The following SLAIN1 variants were observed in gnomAD, a reference collection of about 807,000 sequenced individuals.
SLAIN1 encodes SLAIN motif-containing protein 1.
SLAIN1 carries 17 observed loss-of-function variants against 55.4 expected under a neutral mutation model. The ratio of observed to expected loss-of-function variants is 0.31; its 90% CI spans 0.21 to 0.46. The LOEUF is 0.46. SLAIN1 is among the 20% of genes least tolerant of loss of function. The pLI, the probability that SLAIN1 is intolerant of heterozygous loss-of-function variation, is 1.00. For missense variants in SLAIN1, 682 were observed against 785.1 expected (o/e 0.87, Z 1.57); for synonymous variants, 348 against 337.4 (o/e 1.03, Z -0.35).
chr13:77,759,648 A>G (rs1874861613), intron 5 of SLAIN1, among the ~76,000 whole-genome samples: 1 of 152,130 alleles, frequency 6.6e-6, no homozygotes, highest in African/African-American at 2.4e-5. Flanking sequence ...TTTTTATCAT[A>G]AAGGGATGCT....
intron 1 of SLAIN1, among the ~76,000 whole-genome samples, chr13:77,712,246 T>G (rs1484955836): frequency 6.6e-6 from 1 of 151,992 alleles, no homozygotes; most frequent in Non-Finnish European, 1.5e-5. Context: ...AAGAAAGAAA[T>G]GGTATTCAAA....
At chr13:77,699,163 T>C (rs2091005804) in intron 1 of SLAIN1, 1 of 1,081,072 alleles carries the variant, frequency 9.3e-7, no homozygotes, top group Admixed American at 2.2e-5. Flanking sequence ...TGGGGTGACC[T>C]CACTGGCTTT....
Position 77,719,612 on chromosome 13 carries a change from A to G in SLAIN1, c.707A>G (p.Asp236Gly). The G allele has an allele frequency of 6.2e-7, 1 of 1,613,592 alleles. No homozygotes were observed. Among genetic ancestry groups the G allele is most frequent in the Non-Finnish European group, 8.5e-7 (1 of 1,179,652 alleles). Residue 236 changes from aspartate to glycine, a missense_variant, in exon 2 of 7, where the codon GAT becomes GGT. Asp to Gly is a moderately conservative substitution (Grantham distance 94). Transcript: ENST00000418532. ...TPLQWCRHVL[D>G]NPTPEMEAAR... ...TTGCAGTGGTGTAGACATGTCCTAG[A>G]TAACCCAACTCCTGAGATGGAAGCA...
chr13:77,719,603 A>G lies in SLAIN1; in HGVS notation c.698A>G (p.His233Arg), dbSNP rs1200478920. ...CTGACTCCTTTGCAGTGGTGTAGAC[A>G]TGTCCTAGATAACCCAACTCCTGAG... Reference protein sequence around the residue: ...KSLTPLQWCRHVLDNPTPEME... With the variant: ...KSLTPLQWCRRVLDNPTPEME... Residue 233 changes from histidine to arginine, a missense_variant, in exon 2 of 7, where the codon CAT becomes CGT. Physicochemically the swap from His to Arg is conservative, Grantham distance 29. This residue lies in a region of SLAIN1 where 401 missense variants were observed against 417.3 expected (regional missense o/e 0.96). Coordinates refer to ENST00000418532, the MANE Select transcript of SLAIN1 (RefSeq NM_001242868.2). The G allele has an allele frequency of 6.2e-6, 10 of 1,613,460 alleles. No individual in the cohort carries two copies. The East Asian group carries it at 1.6e-4, about 25-fold the overall frequency.
chr13:77,722,575 C>T (rs1038785414), intron 2 of SLAIN1, among the ~76,000 whole-genome samples: 1 of 152,012 alleles, frequency 6.6e-6, no homozygotes. Flanking sequence ...AAACATTATC[C>T]ATTGGCTTTT....
chr13:77,711,022 T>C (rs1297775646), intron 1 of SLAIN1, among the ~76,000 whole-genome samples: 1 of 152,108 alleles, frequency 6.6e-6, no homozygotes, highest in African/African-American at 2.4e-5. Context: ...AATAAGTTCT[T>C]TAAAACCAAT....
At chr13:77,702,371 A>G (rs565347830) in intron 1 of SLAIN1, among the ~76,000 whole-genome samples, 276 of 152,268 alleles carry the variant, frequency 1.8e-3, no homozygotes, top group Middle Eastern at 3.4e-3. Context: ...TAAAAAGCTC[A>G]AAGGGACTAA....
chr13:77,734,218 G>A (rs1358297991), intron 2 of SLAIN1, among the ~76,000 whole-genome samples: 2 of 151,968 alleles, frequency 1.3e-5, no homozygotes, highest in South Asian at 2.1e-4. Flanking sequence ...TCAGAATGCT[G>A]TGTTCTCGGT....
chr13:77,732,647 C>A (rs890055060), intron 2 of SLAIN1, among the ~76,000 whole-genome samples: 6 of 151,914 alleles, frequency 3.9e-5, no homozygotes, highest in East Asian at 1.9e-4. Flanking sequence ...TTTAAACATG[C>A]CTTTGAAGTG....
Position 77,698,137 on chromosome 13 carries a change from T to C in SLAIN1, c.224T>C (p.Leu75Pro). Residue 75 changes from leucine to proline, a missense_variant, in exon 1 of 7, where the codon CTG becomes CCG. By Grantham distance (98) the Leu-to-Pro change is moderately conservative. Coordinates refer to ENST00000418532, the MANE Select transcript of SLAIN1 (RefSeq NM_001242868.2). The surrounding 1 kb of genome is among the most constrained non-coding windows in gnomAD (Gnocchi z 4.1). ...PPPAAPPPAG[L>P]QPLGPRSPPA... The stretch of plus-strand genomic sequence containing the variant: ...CCCGCCGCGCCGCCCCCCGCTGGCC[T>C]GCAGCCTTTGGGTCCTCGGAGCCCC... The C allele has an allele frequency of 2.0e-6, 2 of 996,208 alleles. 1 individual carries two copies. Among genetic ancestry groups the C allele is most frequent in the Non-Finnish European group, 2.3e-6 (2 of 866,840 alleles). The allele number at this position is 996,208 out of a possible 1,614,324, so 61.7% of individuals were successfully genotyped here.
chr13:77,763,313 C>T lies in SLAIN1; in HGVS notation c.*93C>T. ...GGGTAGCAGTGGATGTTGGGATATT[C>T]TTTCCCTTTTGTGTTTTAATATATT... On this transcript the variant is annotated 3_prime_UTR_variant, in exon 7 of 7. Transcript: ENST00000418532. 1.0e-6 allele frequency: 1 copy of T among 955,078 alleles called. No individual in the cohort carries two copies. The highest frequency in any genetic ancestry group is 1.7e-6 in the Non-Finnish European group (1 of 605,530). 59.2% of individuals were successfully genotyped at this position (955,078 alleles called of 1,614,324 possible). A position where few individuals can be genotyped will look rare whatever the true frequency, so the allele number is the denominator to read the frequency against.
At chr13:77,729,821 G>C (rs975889804) in intron 2 of SLAIN1, among the ~76,000 whole-genome samples, 3 of 152,058 alleles carry the variant, frequency 2.0e-5, no homozygotes, top group African/African-American at 7.2e-5. Flanking sequence ...CTGACCCAGG[G>C]GTATGATCAG....
At chr13:77,754,191 G>A (rs1246627760) in intron 5 of SLAIN1, among the ~76,000 whole-genome samples, 1 of 152,172 alleles carries the variant, frequency 6.6e-6, no homozygotes, top group Non-Finnish European at 1.5e-5. Context: ...GATGTTTTAA[G>A]TCTGCATCCA....
At chr13:77,751,782 A>T (rs537952342) in intron 4 of SLAIN1, among the ~76,000 whole-genome samples, 20 of 152,224 alleles carry the variant, frequency 1.3e-4, no homozygotes, top group Non-Finnish European at 2.5e-4. Flanking sequence ...GATTTCAGCA[A>T]GTGGGTGACG....
chr13:77,760,027 A>G (rs543714408), intron 5 of SLAIN1, among the ~76,000 whole-genome samples: 3 of 152,178 alleles, frequency 2.0e-5, no homozygotes, highest in Non-Finnish European at 4.4e-5. Flanking sequence ...AGTAAATTCA[A>G]CTGTTTTAGA....
In SLAIN1 at chr13:77,704,327, G is replaced by T. The variant is rs28532918; in HGVS notation, c.626+5788G>T. Among the ~76,000 whole-genome samples, 78 of 50,828 alleles carry T rather than the reference G, an allele frequency of 1.5e-3. 5 individuals carry two copies. Among genetic ancestry groups the T allele is most frequent in the Non-Finnish European group, 1.9e-3 (57 of 29,516 alleles). The allele number at this position is 50,828 out of a possible 152,430, so 33.3% of individuals were successfully genotyped here. On this transcript the variant is annotated intron_variant, in intron 1 of 6. Coordinates refer to ENST00000418532, the MANE Select transcript of SLAIN1 (RefSeq NM_001242868.2). The stretch of plus-strand genomic sequence containing the variant: ...TATATACATAGAAACTGTATATACA[G>T]AGGTTTTATATGTATATATACATAG...
rs1462329598 is a variant in SLAIN1, at chr13:77,698,046, C to T, written c.133C>T (p.Gln45Ter). The T allele has an allele frequency of 2.1e-6, 3 of 1,405,012 alleles. No individual in the cohort carries two copies. Among genetic ancestry groups the T allele is most frequent in the Non-Finnish European group, 1.9e-6 (2 of 1,065,070 alleles). The allele number at this position is 1,405,012 out of a possible 1,614,324, so 87.0% of individuals were successfully genotyped here. ...GCGCAAGCTGGAGAAGCAGAACGAG[C>T]AGCTGCGGAGTCGAGCGGCCAGCGC... ...LVRKLEKQNE[Q>*]LRSRAASAAA... Residue 45 changes from glutamine (Q) to a stop codon, truncating the protein, a stop_gained, in exon 1 of 7, where the codon CAG becomes TAG. Coordinates refer to ENST00000418532, the MANE Select transcript of SLAIN1 (RefSeq NM_001242868.2). LOFTEE classifies it high-confidence loss of function. The surrounding 1 kb of genome is among the most constrained non-coding windows in gnomAD (Gnocchi z 4.1).
At chr13:77,742,723 C>T (rs1369172174) in intron 2 of SLAIN1, 3 of 152,436 alleles carry the variant, frequency 2.0e-5, no homozygotes, top group Admixed American at 6.6e-5. Flanking sequence ...AAATTGAAAA[C>T]ATTTCTAACG....
intron 2 of SLAIN1, 40 bp downstream of exon 2, chr13:77,719,711 TC>T: frequency 6.2e-7 from 1 of 1,602,236 alleles, no homozygotes; most frequent in Non-Finnish European, 8.5e-7. Flanking sequence ...CCAACTCTTG[TC>T]ACTCTCAGTG....
Sources: gnomAD v4.1 joint callset for allele counts (sites outside exome capture counted in the v4.1 genomes callset) on GRCh38, gnomAD v4.1.1 for gene constraint, gnomAD v4.1.1 regional missense constraint, Gnocchi (gnomAD v3.1) non-coding constraint, MANE v1.5 for transcripts, NCBI Gene and HGNC (gene_info 2026-07-23, HGNC 2026-07-21) for gene names.